Variants in CNOT2 observed in about 807,000 individuals in gnomAD.
CNOT2 encodes the protein CCR4-NOT transcription complex subunit 2.
CNOT2 carries 7 observed loss-of-function variants against 72.1 expected under a neutral mutation model. The observed-to-expected ratio is 0.10, with a 90% CI of 0.06 to 0.18. The LOEUF (loss-of-function observed/expected upper bound fraction) is 0.18, where lower values mean the gene tolerates loss of function less well. CNOT2 is among the 10% of genes least tolerant of loss of function. CNOT2 has a pLI of 1.00. For missense variants in CNOT2, 345 were observed against 660.3 expected, an observed-to-expected ratio of 0.52 and a Z score of 5.23; for synonymous variants, 196 against 225.6, an observed-to-expected ratio of 0.87 and a Z score of 1.17.
chr12:70,343,464 A>G (rs1401050086), intron 13 of CNOT2, among the ~76,000 whole-genome samples: 1 of 152,238 alleles, frequency 6.6e-6, no homozygotes, highest in African/African-American at 2.4e-5. Flanking sequence ...TAAAGCAATC[A>G]TCTTTCAGAC....
intron 15 of CNOT2, among the ~76,000 whole-genome samples, chr12:70,348,202 T>G (rs1882443005): frequency 6.6e-6 from 1 of 152,226 alleles, no homozygotes; most frequent in South Asian, 2.1e-4. Context: ...ATCATCGTTA[T>G]TATAGCTACT....
At chr12:70,309,237 A>G (rs1020645736) in intron 2 of CNOT2, among the ~76,000 whole-genome samples, 2 of 152,094 alleles carry the variant, frequency 1.3e-5, no homozygotes, top group African/African-American at 4.8e-5. Context: ...AAGATTAAGT[A>G]CCTGTGTTCT....
intron 4 of CNOT2, among the ~76,000 whole-genome samples, chr12:70,325,756 A>T (rs1478717494): frequency 1.3e-5 from 2 of 151,854 alleles, no homozygotes; most frequent in African/African-American, 4.8e-5. Flanking sequence ...CATGCCAGTG[A>T]GTTCCTAGAG....
chr12:70,302,283 C>T (rs1472418009), intron 2 of CNOT2, among the ~76,000 whole-genome samples: 9 of 151,754 alleles, frequency 5.9e-5, no homozygotes, highest in African/African-American at 1.9e-4. Flanking sequence ...GCTCTTGCTT[C>T]TCTAGTTCTT....
At chr12:70,296,254 A>G (rs918812864) in intron 2 of CNOT2, among the ~76,000 whole-genome samples, 12 of 152,098 alleles carry the variant, frequency 7.9e-5, no homozygotes, top group African/African-American at 2.9e-4. Flanking sequence ...TAAACCTTGG[A>G]AAGGACTCTG....
chr12:70,283,492 G>GATAGATAA (rs1288092228), intron 2 of CNOT2, among the ~76,000 whole-genome samples: 2 of 151,704 alleles, frequency 1.3e-5, no homozygotes, highest in Admixed American at 1.3e-4. Context: ...TAGATAGATA[G>GATAGATAA]ATAGATAGAT....
At chr12:70,258,886 T>C (rs79536434) in intron 1 of CNOT2, among the ~76,000 whole-genome samples, 1 of 152,124 alleles carries the variant, frequency 6.6e-6, no homozygotes, top group Non-Finnish European at 1.5e-5. Context: ...TGATGTCTTA[T>C]GATTAAAAAA....
chr12:70,305,871 TTG>T (rs1491232353), intron 2 of CNOT2, among the ~76,000 whole-genome samples: 7 of 125,174 alleles, frequency 5.6e-5, no homozygotes, highest in African/African-American at 1.9e-4. Flanking sequence ...TATCTGAAGT[TTG>T]TTTTTTTTTT....
chr12:70,311,040 A>AT (rs762442117), intron 3 of CNOT2, 23 bp downstream of exon 3: 6 of 1,561,762 alleles, frequency 3.8e-6, no homozygotes, highest in Non-Finnish European at 5.3e-6. Context: ...ATTATGTTGT[A>AT]TTTTTTCAGC....
At chr12:70,254,762 G>C (rs1267768783) in intron 1 of CNOT2, among the ~76,000 whole-genome samples, 2 of 151,916 alleles carry the variant, frequency 1.3e-5, no homozygotes, top group Non-Finnish European at 2.9e-5. Flanking sequence ...CGGGTGGATT[G>C]TAAGTTTTAG....
intron 1 of CNOT2, among the ~76,000 whole-genome samples, chr12:70,246,237 C>G (rs1957870501): frequency 6.6e-6 from 1 of 152,018 alleles, no homozygotes; most frequent in South Asian, 2.1e-4. Context: ...AAATTTGTAA[C>G]TGTAGAAAGT....
At chr12:70,252,934 A>G (rs1011115224) in intron 1 of CNOT2, among the ~76,000 whole-genome samples, 1 of 152,202 alleles carries the variant, frequency 6.6e-6, no homozygotes. Context: ...ATTAGCCACA[A>G]TTTATTTCAT....
intron 3 of CNOT2, among the ~76,000 whole-genome samples, chr12:70,313,582 C>T (rs532368665): frequency 4.6e-5 from 7 of 151,918 alleles, no homozygotes; most frequent in South Asian, 2.1e-4. Flanking sequence ...CCAATTGCAC[C>T]GACACCATTT....
chr12:70,282,303 A>G (rs1197279355), intron 2 of CNOT2, among the ~76,000 whole-genome samples: 2 of 152,210 alleles, frequency 1.3e-5, no homozygotes, highest in African/African-American at 2.4e-5. Flanking sequence ...ATTATCTACA[A>G]ACTGGGTCTA....
chr12:70,265,328 T>TCTTCTCTTCTCTTCTCTTC (rs1565743571), intron 1 of CNOT2, among the ~76,000 whole-genome samples: 4 of 49,234 alleles, frequency 8.1e-5, no homozygotes, highest in Admixed American at 2.3e-4. Flanking sequence ...CTCTTCTCTT[T>TCTTCTCTTCTCTTCTCTTC]CTTTCTTTTT....
chr12:70,273,395 T>C (rs1422129920), intron 1 of CNOT2, among the ~76,000 whole-genome samples: 1 of 152,186 alleles, frequency 6.6e-6, no homozygotes, highest in African/African-American at 2.4e-5. Context: ...TTTCAAGATA[T>C]CTACCATACT....
At chr12:70,329,394 A>C in intron 4 of CNOT2, 29 bp from the exon 5 acceptor site, 3 of 1,507,948 alleles carry the variant, frequency 2.0e-6, no homozygotes, top group Non-Finnish European at 2.8e-6. Flanking sequence ...GATGGCAATG[A>C]ATTTCCTTCT....
At chr12:70,253,101 C>T (rs752713336) in intron 1 of CNOT2, among the ~76,000 whole-genome samples, 15 of 152,106 alleles carry the variant, frequency 9.9e-5, no homozygotes, top group East Asian at 1.9e-4. Context: ...ATAAATAAAT[C>T]GTCATATTGC....
chr12:70,293,442 AGCC>A (rs1392949172), intron 2 of CNOT2, among the ~76,000 whole-genome samples: 1 of 152,204 alleles, frequency 6.6e-6, no homozygotes, highest in East Asian at 1.9e-4. Context: ...TACAGGCATG[AGCC>A]ACTGTGTCTG....
Sources: allele counts gnomAD v4.1 joint callset (sites outside exome capture counted in the v4.1 genomes callset), GRCh38; gene constraint gnomAD v4.1.1; transcripts MANE v1.5; gene names NCBI Gene and HGNC (gene_info 2026-07-23, HGNC 2026-07-21).